The following PDXDC1 variants were observed in gnomAD, a reference collection of about 807,000 sequenced individuals.
The protein encoded by PDXDC1 is pyridoxal dependent decarboxylase domain containing 1, also known as pyridoxal-dependent decarboxylase domain-containing protein 1.
Under a neutral mutation model 100.1 loss-of-function variants are expected in PDXDC1, and 42 were observed. That is an observed-to-expected ratio of 0.42 (90% confidence interval 0.33 to 0.54). PDXDC1 has a LOEUF of 0.54. PDXDC1 is among the 20% of genes least tolerant of loss of function. The pLI, the probability that PDXDC1 is intolerant of heterozygous loss-of-function variation, is 0.10. For synonymous variants in PDXDC1, 260 were observed against 371.7 expected (o/e 0.70, Z 3.46); for missense variants, 636 against 979.2 (o/e 0.65, Z 4.68).
chr16:15,128,477 G>A lies in PDXDC1; in HGVS notation c.1400-10402G>A, dbSNP rs570006405. On this transcript the variant is annotated intron_variant, in intron 16 of 16. Transcript: ENST00000535621. The stretch of plus-strand genomic sequence containing the variant: ...GCAAGTCATCTCAGCTTTGGCCTCC[G>A]CGCACTCAAGGAGCCACACAGGCAG... 999 of 755,286 alleles carry A rather than the reference G, an allele frequency of 1.3e-3. 12 individuals are homozygous for A. The Admixed American group carries it at 0.016, about 12-fold the overall frequency. 46.8% of individuals were successfully genotyped at this position (755,286 alleles called of 1,614,324 possible). A position where few individuals can be genotyped will look rare whatever the true frequency, so the allele number is the denominator to read the frequency against.
chr16:15,011,631 C>CTTTTTTTTTTTTTTTTTTTTTTTTT, intron 8 of PDXDC1, among the ~76,000 whole-genome samples: 237 of 131,138 alleles, frequency 1.8e-3, no homozygotes, highest in Non-Finnish European at 2.1e-3. Flanking sequence ...ACATTTTTTT[C>CTTTTTTTTTTTTTTTTTTTTTTTTT]TTTTTTTTTT....
At chr16:15,061,977 A>G in intron 16 of PDXDC1, 2 of 1,438,504 alleles carry the variant, frequency 1.4e-6, no homozygotes, top group Non-Finnish European at 1.9e-6. Flanking sequence ...TTCCTTCCTC[A>G]GGAAGGTGTT....
At chr16:15,093,327 G>A (rs1598027171) in intron 16 of PDXDC1, among the ~76,000 whole-genome samples, 2 of 152,212 alleles carry the variant, frequency 1.3e-5, no homozygotes, top group South Asian at 4.1e-4. Context: ...TCATTCAAGT[G>A]GAAGCTCAAA....
rs191589603 is a variant in PDXDC1, at chr16:15,129,129, A to G, written c.1400-9750A>G. 8.6e-4 allele frequency among the ~76,000 whole-genome samples: 131 copies of G among 152,046 alleles called. 1 individual carries two copies. Among genetic ancestry groups the G allele is most frequent in the Middle Eastern group, 3.4e-3 (1 of 294 alleles). ...CGACAGTTTTTAAAAGTAGGTAATC[A>G]AAAGAAAGAACTGGGAAATGAAGAT... is the stretch of plus-strand genomic sequence containing the variant. On this transcript the variant is annotated intron_variant, in intron 16 of 16. Coordinates refer to the PDXDC1 transcript ENST00000535621.
chr16:15,071,031 A>C (rs1358495237), intron 16 of PDXDC1: 3 of 1,188,686 alleles, frequency 2.5e-6, no homozygotes, highest in Non-Finnish European at 3.5e-6. Context: ...AACATGCCAA[A>C]AAAAATGGGA....
intron 16 of PDXDC1, among the ~76,000 whole-genome samples, chr16:15,096,203 G>C (rs1234204481): frequency 6.6e-6 from 1 of 151,970 alleles, no homozygotes; most frequent in Non-Finnish European, 1.5e-5. Flanking sequence ...CTGCTTCCCA[G>C]GTTCAAGCGA....
chr16:15,001,657 G>A, intron 3 of PDXDC1, 119 bp from the exon 4 acceptor site: 1 of 740,238 alleles, frequency 1.4e-6, no homozygotes, highest in East Asian at 3.0e-5. Flanking sequence ...TTCTCTTATA[G>A]TTGCTTAAGA....
At chr16:15,100,187 T>A (rs140244400) in intron 16 of PDXDC1, among the ~76,000 whole-genome samples, 4 of 152,220 alleles carry the variant, frequency 2.6e-5, no homozygotes, top group Admixed American at 6.5e-5. Flanking sequence ...AATGGCTGAA[T>A]GGTAGGGCGG....
At chr16:15,072,920 T>C (rs1470854302) in intron 16 of PDXDC1, 2 of 1,608,018 alleles carry the variant, frequency 1.2e-6, no homozygotes, top group Non-Finnish European at 8.5e-7. Flanking sequence ...CAAAGTAAGC[T>C]AAGATAATGT....
chr16:15,128,707 C>T (rs552514571), intron 16 of PDXDC1, among the ~76,000 whole-genome samples: 1 of 152,268 alleles, frequency 6.6e-6, no homozygotes, highest in East Asian at 1.9e-4. Flanking sequence ...CACGCCACAA[C>T]CAGTGACCCG....
chr16:15,038,879 C>T (rs2043674812), downstream of PDXDC1, among the ~76,000 whole-genome samples: 1 of 152,170 alleles, frequency 6.6e-6, no homozygotes, highest in African/African-American at 2.4e-5. Flanking sequence ...CTGTGGGGCA[C>T]GCACGACTGC....
At chr16:15,044,343 G>C in intron 16 of PDXDC1, 1 of 1,606,246 alleles carries the variant, frequency 6.2e-7, no homozygotes, top group Non-Finnish European at 8.5e-7. Context: ...CTAAGAAGTT[G>C]ATGAGTGAGT....
intron 16 of PDXDC1, chr16:15,083,488 T>A (rs1280265691): frequency 6.2e-7 from 1 of 1,607,128 alleles, no homozygotes. Flanking sequence ...TTTTCCATGA[T>A]GTTCTCAATG....
At chr16:15,079,303 C>A (rs1363430113) in intron 16 of PDXDC1, among the ~76,000 whole-genome samples, 1 of 152,186 alleles carries the variant, frequency 6.6e-6, no homozygotes, top group Admixed American at 6.5e-5. Context: ...TTAGTGCGGG[C>A]CTCCTTAAAC....
At chr16:15,003,340 C>T (rs1212018770) in intron 4 of PDXDC1, among the ~76,000 whole-genome samples, 1 of 152,170 alleles carries the variant, frequency 6.6e-6, no homozygotes, top group Admixed American at 6.5e-5. Flanking sequence ...CCTCAGCCTC[C>T]TGAGTAGCTG....
chr16:15,099,648 C>T (rs1256154590), intron 16 of PDXDC1, among the ~76,000 whole-genome samples: 1 of 151,828 alleles, frequency 6.6e-6, no homozygotes, highest in Non-Finnish European at 1.5e-5. Flanking sequence ...AAGACCCTCC[C>T]CCTCCAAAAA....
intron 16 of PDXDC1, among the ~76,000 whole-genome samples, chr16:15,055,553 C>A (rs966000829): frequency 6.6e-6 from 1 of 152,224 alleles, no homozygotes; most frequent in African/African-American, 2.4e-5. Flanking sequence ...TTTGCCTAAA[C>A]GGACCCAGCC....
chr16:15,133,371 C>T, intron 16 of PDXDC1: 2 of 1,045,648 alleles, frequency 1.9e-6, no homozygotes, highest in Non-Finnish European at 2.9e-6. Flanking sequence ...TGCAGCCAGA[C>T]TGTGAGCCCC....
At chr16:15,003,196 C>T (rs1268461295) in intron 4 of PDXDC1, among the ~76,000 whole-genome samples, 1 of 151,120 alleles carries the variant, frequency 6.6e-6, no homozygotes, top group Non-Finnish European at 1.5e-5. Context: ...TTATTTGATG[C>T]ATAGACCTGA....
Sources: gnomAD v4.1 joint callset for allele counts (sites outside exome capture counted in the v4.1 genomes callset) on GRCh38, gnomAD v4.1.1 for gene constraint, MANE v1.5 for transcripts, NCBI Gene and HGNC (gene_info 2026-07-23, HGNC 2026-07-21) for gene names.